Variants in ACSL1 observed in about 807,000 individuals in gnomAD.
The protein encoded by ACSL1 is long-chain-fatty-acid--CoA ligase 1.
A neutral mutation model predicts 98.4 loss-of-function variants in ACSL1; 41 were observed. The ratio of observed to expected loss-of-function variants is 0.42; its 90% confidence interval spans 0.32 to 0.54. The LOEUF is 0.54. Ranked by LOEUF, ACSL1 falls within the 20% of genes least tolerant of loss-of-function variation. ACSL1 has a pLI of 0.13. For synonymous variants in ACSL1, 316 were observed against 322.7 expected, an observed-to-expected ratio of 0.98 and a Z score of 0.22; for missense variants, 734 against 883.1, an observed-to-expected ratio of 0.83 and a Z score of 2.14.
rs181273633 is a variant in ACSL1 at position 184,810,669 on chromosome 4, C to T, written c.-32-7123G>A. 2.6e-3 allele frequency among the ~76,000 whole-genome samples: 389 copies of T among 152,282 alleles called. 1 individual carries two copies. The highest frequency in any genetic ancestry group is 4.3e-3 in the Non-Finnish European group (292 of 68,030). On this transcript the variant is annotated intron_variant, in intron 1 of 20. Transcript: ENST00000281455. ...AAGGCTACTAGAAGTGCCTCCTGAC[C>T]TCAGGGCTCGCACTTTCGCACATTA...
intron 2 of ACSL1, among the ~76,000 whole-genome samples, chr4:184,790,649 C>T (rs1452929087): frequency 2.6e-5 from 4 of 152,166 alleles, no homozygotes; most frequent in African/African-American, 7.2e-5. Flanking sequence ...CTTAGTGTCA[C>T]GCATTATTGT....
At chr4:184,817,745 G>A (rs1772750294) in intron 1 of ACSL1, among the ~76,000 whole-genome samples, 1 of 152,216 alleles carries the variant, frequency 6.6e-6, no homozygotes, top group Non-Finnish European at 1.5e-5. Flanking sequence ...GCATGCCAGA[G>A]AGAGCAGGAC....
Position 184,803,510 on chromosome 4 carries a change from T to C in ACSL1, c.5A>G (p.Gln2Arg), listed in dbSNP as rs754433773. The change falls in exon 2 of 21, where the codon CAA becomes CGA. Residue 2 changes from glutamine to arginine, a missense_variant. Gln to Arg is a conservative substitution (Grantham distance 43). Transcript: ENST00000281455. The surrounding 1 kb of genome is among the most constrained non-coding windows in gnomAD (Gnocchi z 4.8). M[Q>R]AHELFRYFRM... Reference sequence around the variant, plus strand: ...AAAATACCGGAACAGCTCATGGGCTTGCATTGTCCTGTGTTGATAGTTCTC... The same window carrying C: ...AAAATACCGGAACAGCTCATGGGCTCGCATTGTCCTGTGTTGATAGTTCTC... 4 of 1,575,290 alleles carry C rather than the reference T, an allele frequency of 2.5e-6. No individual in the cohort carries two copies. Among genetic ancestry groups the C allele is most frequent in the Non-Finnish European group, 3.5e-6 (4 of 1,158,656 alleles).
At chr4:184,816,035 G>C (rs539319726) in intron 1 of ACSL1, among the ~76,000 whole-genome samples, 6 of 152,024 alleles carry the variant, frequency 3.9e-5, no homozygotes, top group African/African-American at 1.2e-4. Flanking sequence ...CAGGAGAGTC[G>C]ATTGAACCTG....
intron 2 of ACSL1, among the ~76,000 whole-genome samples, chr4:184,794,018 G>A (rs963191514): frequency 3.3e-5 from 5 of 152,142 alleles, no homozygotes; most frequent in Admixed American, 6.5e-5. Flanking sequence ...CTGTTATACC[G>A]TATTGTTCAG....
chr4:184,777,643 G>A (rs1225861893), intron 5 of ACSL1, among the ~76,000 whole-genome samples: 3 of 152,130 alleles, frequency 2.0e-5, no homozygotes, highest in Non-Finnish European at 4.4e-5. Context: ...GAAGAATTGA[G>A]GCAAATATGT....
At chr4:184,815,162 C>G in intron 1 of ACSL1, 1 of 453,974 alleles carries the variant, frequency 2.2e-6, no homozygotes. Flanking sequence ...ACCAGGCATC[C>G]GAGGGAGGGC....
Position 184,788,822 on chromosome 4 carries a change from C to T in ACSL1, c.196-91G>A, listed in dbSNP as rs535001676. 2.7e-5 allele frequency: 25 copies of T among 923,816 alleles called. No homozygotes were observed. In the African/African-American group the frequency reaches 3.9e-4, roughly 15 times the overall value. The allele number at this position is 923,816 out of a possible 1,614,324, so 57.2% of individuals were successfully genotyped here. On this transcript the variant is annotated intron_variant, in intron 2 of 20. Coordinates refer to ENST00000281455, the MANE Select transcript of ACSL1 (RefSeq NM_001995.5). ...AATCAAGCTAATTAACATATCCATTCCTTTACATTCTTGTCACTTATCTGT... is the reference window on the plus strand; with the variant it reads ...AATCAAGCTAATTAACATATCCATTTCTTTACATTCTTGTCACTTATCTGT...
At chr4:184,813,935 G>A (rs1219127791) in intron 1 of ACSL1, 4 of 451,212 alleles carry the variant, frequency 8.9e-6, no homozygotes, top group South Asian at 4.7e-5. Context: ...GTCCTCTCAG[G>A]TGCTCTGCCC....
At chr4:184,765,393 C>T (rs1455351631) in intron 14 of ACSL1, among the ~76,000 whole-genome samples, 1 of 152,234 alleles carries the variant, frequency 6.6e-6, no homozygotes, top group Non-Finnish European at 1.5e-5. Flanking sequence ...CAGACACACA[C>T]ATTCCCCTGC....
intron 4 of ACSL1, among the ~76,000 whole-genome samples, chr4:184,782,201 C>T (rs902172): frequency 1 from 151,775 of 151,912 alleles, 75,820 homozygotes; most frequent in Middle Eastern, 1. Flanking sequence ...GGATGCTATA[C>T]AGCTGGTAAA....
At chr4:184,768,063 A>G in intron 12 of ACSL1, 1 of 477,702 alleles carries the variant, frequency 2.1e-6, no homozygotes, top group South Asian at 4.4e-5. Flanking sequence ...TAAAAATAAA[A>G]TGACCTCCCA....
intron 1 of ACSL1, among the ~76,000 whole-genome samples, chr4:184,813,212 C>T (rs1772298183): frequency 6.6e-6 from 1 of 152,108 alleles, no homozygotes; most frequent in Admixed American, 6.6e-5. Context: ...TTTGGCGGTA[C>T]ATATTTAAGA....
chr4:184,821,087 C>T, intron 1 of ACSL1: 1 of 456,290 alleles, frequency 2.2e-6, no homozygotes, highest in South Asian at 1.5e-5. Context: ...GCTGAAGGTA[C>T]TAATGAGTTA....
In ACSL1 at chr4:184,780,371, T is replaced by TG; in HGVS notation, c.437dup (p.Asp147ArgfsTer11). 1.2e-6 allele frequency: 2 copies of TG among 1,613,926 alleles called. No homozygotes were observed. The highest frequency in any genetic ancestry group is 1.7e-6 in the Non-Finnish European group (2 of 1,179,968). The stretch of plus-strand genomic sequence containing the variant: ...GAGCAAAGATGCCAATGAACTGATC[T>TG]GGGGCAGTCTTGAAGCCCTTCTGGA... On this transcript the variant is annotated frameshift_variant, in exon 5 of 21. Transcript: ENST00000281455. LOFTEE classifies it high-confidence loss of function.
At position 184,780,337 on chromosome 4, in the gene ACSL1, G is replaced by T; in HGVS notation, c.472C>A (p.Pro158Thr). ...QFIGIFAQNR[P>T]EWVIIEQGCF... is the part of the protein sequence containing the mutation. ...AAGTACCTACTGGTTCATACCTCAG[G>T]TCTATTTTGAGCAAAGATGCCAATG... Residue 158 changes from proline (P) to threonine (T), a missense_variant, in exon 5 of 21, where the codon CCT becomes ACT. Pro to Thr is a conservative substitution (Grantham distance 38, BLOSUM62 -1). Transcript: ENST00000281455. 1.9e-6 allele frequency: 3 copies of T among 1,613,232 alleles called. No individual in the cohort carries two copies. Among genetic ancestry groups the T allele is most frequent in the Non-Finnish European group, 2.5e-6 (3 of 1,179,526 alleles).
intron 1 of ACSL1, among the ~76,000 whole-genome samples, chr4:184,821,786 C>T (rs1259540237): frequency 1.3e-5 from 2 of 151,790 alleles, no homozygotes; most frequent in African/African-American, 2.4e-5. Context: ...TATGTAACAA[C>T]GTGTAAAAAA....
intron 2 of ACSL1, among the ~76,000 whole-genome samples, chr4:184,789,379 T>C (rs1767959753): frequency 3.9e-5 from 6 of 152,272 alleles, no homozygotes; most frequent in Admixed American, 3.9e-4. Context: ...TGTTCAGCTC[T>C]GGTGGAAATG....
chr4:184,825,581 T>C lies in ACSL1; in HGVS notation c.-33+335A>G, dbSNP rs1773412229. Among the ~76,000 whole-genome samples the C allele has an allele frequency of 6.6e-6, 1 of 151,172 alleles. No homozygotes were observed. Among genetic ancestry groups the C allele is most frequent in the Admixed American group, 6.6e-5 (1 of 15,188 alleles). ...AGCCGAAGCGCGGCCTCCGGCTGCT[T>C]CGCCGGGCCGGTCCCCGCCGCCGCA... On this transcript the variant is annotated intron_variant, in intron 1 of 20. Transcript: ENST00000281455. The surrounding 1 kb of genome is among the most constrained non-coding windows in gnomAD (Gnocchi z 4.7).
Sources: allele counts gnomAD v4.1 joint callset (sites outside exome capture counted in the v4.1 genomes callset), GRCh38; gene constraint gnomAD v4.1.1; non-coding constraint Gnocchi (gnomAD v3.1); transcripts MANE v1.5; gene names NCBI Gene and HGNC (gene_info 2026-07-23, HGNC 2026-07-21).